Variants in RFX7 observed in about 807,000 individuals in gnomAD.
RFX7 encodes DNA-binding protein RFX7.
RFX7 carries 26 observed loss-of-function variants against 111.8 expected under a neutral mutation model. The ratio of observed to expected loss-of-function variants is 0.23; its 90% CI spans 0.17 to 0.32. RFX7 has a LOEUF of 0.32. Among genes scored for constraint, RFX7 ranks in the 10% least tolerant of loss-of-function variants. RFX7 has a pLI of 1.00. For missense variants in RFX7, 1,573 were observed against 1,772.9 expected (o/e 0.89, Z 2.02); for synonymous variants, 624 against 624.4 (o/e 1.00, Z 0.01).
intron 5 of RFX7, among the ~76,000 whole-genome samples, chr15:56,134,737 T>A (rs1457102983): frequency 6.6e-6 from 1 of 152,020 alleles, no homozygotes; most frequent in Non-Finnish European, 1.5e-5. Context: ...TCATCTAGCA[T>A]TAGGTATATC....
At position 56,238,751 on chromosome 15, in the gene RFX7, G is replaced by A. The variant is rs187014733; in HGVS notation, c.161+4374C>T. Among the ~76,000 whole-genome samples, 13 of 152,266 alleles carry A rather than the reference G, an allele frequency of 8.5e-5. 1 individual carries two copies. In the East Asian group the frequency reaches 2.5e-3, roughly 29 times the overall value. ...CATCAGGATTTCTTTTGAATTTTCAGGTACAAGTTTAATACAAGTTGACTA... is the reference window on the plus strand; with the variant it reads ...CATCAGGATTTCTTTTGAATTTTCAAGTACAAGTTTAATACAAGTTGACTA... On this transcript the variant is annotated intron_variant, in intron 2 of 9. Coordinates refer to ENST00000559447, the MANE Select transcript of RFX7 (RefSeq NM_022841.7).
chr15:56,153,161 A>AACT (rs1442214735), intron 3 of RFX7, among the ~76,000 whole-genome samples: 2 of 152,232 alleles, frequency 1.3e-5, no homozygotes, highest in Non-Finnish European at 2.9e-5. Context: ...TTCCATCTGA[A>AACT]ACTATTCTAA....
At chr15:56,215,403 T>A (rs1242472798) in intron 2 of RFX7, among the ~76,000 whole-genome samples, 1 of 152,232 alleles carries the variant, frequency 6.6e-6, no homozygotes, top group Non-Finnish European at 1.5e-5. Context: ...TGTTTTATCA[T>A]AAAACAGATA....
At chr15:56,101,810 C>A (rs567143152) in intron 7 of RFX7, among the ~76,000 whole-genome samples, 13 of 152,286 alleles carry the variant, frequency 8.5e-5, no homozygotes, top group Admixed American at 3.3e-4. Context: ...TACAAGAAGA[C>A]TGATGTTTTG....
chr15:56,095,131 G>A lies in RFX7; in HGVS notation c.2597C>T (p.Pro866Leu), dbSNP rs1254574094. 3.7e-6 allele frequency: 6 copies of A among 1,613,796 alleles called. No individual in the cohort carries two copies. The Admixed American group carries it at 1.0e-4, about 27-fold the overall frequency. ...PLQSELKEFE[P>L]SVSQTNESYF... ...GCTTTCATTTGTCTGGGAAACAGAA[G>A]GCTCAAACTCCTTCAGTTCAGATTG... The change falls in exon 10 of 10, where the codon CCT becomes CTT. Residue 866 changes from proline to leucine, a missense_variant. Physicochemically the swap from Pro to Leu is moderately conservative, Grantham distance 98. Coordinates refer to ENST00000559447, the MANE Select transcript of RFX7 (RefSeq NM_022841.7).
At chr15:56,175,524 G>A (rs2042894838) in intron 3 of RFX7, among the ~76,000 whole-genome samples, 1 of 152,126 alleles carries the variant, frequency 6.6e-6, no homozygotes, top group South Asian at 2.1e-4. Context: ...AGACAGTGTA[G>A]TGATGTCATA....
intron 2 of RFX7, among the ~76,000 whole-genome samples, chr15:56,231,887 G>C (rs931663020): frequency 6.6e-6 from 1 of 152,290 alleles, no homozygotes; most frequent in African/African-American, 2.4e-5. Context: ...AGGAGCTAAA[G>C]GCCCCATGCA....
intron 5 of RFX7, among the ~76,000 whole-genome samples, chr15:56,110,321 G>GA (rs1406145923): frequency 1.0e-5 from 1 of 97,266 alleles, no homozygotes; most frequent in African/African-American, 3.6e-5. Flanking sequence ...GGGAGGTGGG[G>GA]GGGGGGTCAG....
chr15:56,095,284 T>G lies in RFX7; in HGVS notation c.2444A>C (p.Asp815Ala). 1.2e-6 allele frequency: 2 copies of G among 1,613,980 alleles called. No individual in the cohort carries two copies. The highest frequency in any genetic ancestry group is 2.7e-5 in the African/African-American group (2 of 75,054). Reference protein sequence around the residue: ...MTIPEHSDINDLEKSVWELEG... With the variant: ...MTIPEHSDINALEKSVWELEG... ...TAATTCCCAAACAGATTTCTCTAAGTCATTGATATCAGAGTGCTCAGGAAT... is the reference window on the plus strand; with the variant it reads ...TAATTCCCAAACAGATTTCTCTAAGGCATTGATATCAGAGTGCTCAGGAAT... Residue 815 changes from aspartate to alanine, a missense_variant, in exon 10 of 10, where the codon GAC becomes GCC. Transcript: ENST00000559447.
intron 3 of RFX7, among the ~76,000 whole-genome samples, chr15:56,162,423 A>G (rs79206029): frequency 3.1e-3 from 473 of 152,216 alleles, no homozygotes; most frequent in Non-Finnish European, 5.4e-3. Flanking sequence ...ACTTTTGTGT[A>G]TTATGTCATT....
At chr15:56,243,373 G>T (rs2043737098) in intron 1 of RFX7, 72 bp downstream of exon 1, 27 of 743,872 alleles carry the variant, frequency 3.6e-5, no homozygotes, top group Non-Finnish European at 4.8e-5. Context: ...ACGAAGGGGG[G>T]AGAGGAGGAG....
At chr15:56,110,045 TGAG>T (rs1379547871) in intron 5 of RFX7, among the ~76,000 whole-genome samples, 2 of 96,436 alleles carry the variant, frequency 2.1e-5, no homozygotes, top group African/African-American at 8.2e-5. Context: ...TACTGGAAAA[TGAG>T]GAGCCCCTCT....
chr15:56,170,781 A>G (rs550388949), intron 3 of RFX7, among the ~76,000 whole-genome samples: 2 of 152,308 alleles, frequency 1.3e-5, no homozygotes, highest in African/African-American at 4.8e-5. Context: ...TATGATATAA[A>G]ACATTTCTAC....
intron 2 of RFX7, among the ~76,000 whole-genome samples, chr15:56,190,620 C>T (rs977082073): frequency 2.6e-5 from 4 of 152,148 alleles, no homozygotes; most frequent in Non-Finnish European, 5.9e-5. Flanking sequence ...AAATATGATT[C>T]CTGGACTAAC....
chr15:56,090,611 G>T lies in RFX7; in HGVS notation c.*2734C>A, dbSNP rs1478376760. ...TTTTGAGCACTTTAATAAAAAAAGA[G>T]AACTGAAATGCTACCGCAATATTCA... On this transcript the variant is annotated 3_prime_UTR_variant, in exon 10 of 10. Coordinates refer to ENST00000559447, the MANE Select transcript of RFX7 (RefSeq NM_022841.7). 6.6e-6 allele frequency: 1 copy of T among 152,546 alleles called. No homozygotes were observed. The highest frequency in any genetic ancestry group is 2.4e-5 in the African/African-American group (1 of 41,436). The allele number at this position is 152,546 out of a possible 1,614,324, so 9.4% of individuals were successfully genotyped here. A position where few individuals can be genotyped will look rare whatever the true frequency, so the allele number is the denominator to read the frequency against.
intron 2 of RFX7, among the ~76,000 whole-genome samples, chr15:56,235,801 G>A (rs1284474392): frequency 6.6e-6 from 1 of 152,204 alleles, no homozygotes; most frequent in Admixed American, 6.5e-5. Flanking sequence ...GTTGGAATGG[G>A]TGTAAAGGTA....
chr15:56,203,918 G>C (rs2141186709), intron 2 of RFX7, among the ~76,000 whole-genome samples: 1 of 151,884 alleles, frequency 6.6e-6, no homozygotes, highest in East Asian at 1.9e-4. Context: ...TAATAAACTT[G>C]CTTTCACTTT....
chr15:56,140,347 G>A (rs1201735819), intron 5 of RFX7, among the ~76,000 whole-genome samples: 1 of 152,194 alleles, frequency 6.6e-6, no homozygotes, highest in Admixed American at 6.5e-5. Context: ...CGTCGGAAAA[G>A]CGCAGTATTC....
chr15:56,228,824 T>C (rs2043515853), intron 2 of RFX7, among the ~76,000 whole-genome samples: 1 of 152,160 alleles, frequency 6.6e-6, no homozygotes, highest in African/African-American at 2.4e-5. Flanking sequence ...AAACCACAGA[T>C]GGTACAGAAC....
Sources: allele counts gnomAD v4.1 joint callset (sites outside exome capture counted in the v4.1 genomes callset), GRCh38; gene constraint gnomAD v4.1.1; transcripts MANE v1.5; gene names NCBI Gene and HGNC (gene_info 2026-07-23, HGNC 2026-07-21).